The following TACR1 variants were observed in gnomAD, a reference collection of about 807,000 sequenced individuals.
TACR1 encodes the protein tachykinin receptor 1.
Under a neutral mutation model 35.8 loss-of-function variants are expected in TACR1, and 25 were observed. That is an observed-to-expected ratio of 0.70 (90% CI 0.51 to 0.98). TACR1 has a LOEUF of 0.98. Among genes scored for constraint, TACR1 ranks in the 50% least tolerant of loss-of-function variants. The pLI, the probability that TACR1 is intolerant of heterozygous loss-of-function variation, is 0.00. For synonymous variants in TACR1, 195 were observed against 206.7 expected, an observed-to-expected ratio of 0.94 and a Z score of 0.48; for missense variants, 478 against 522.9, an observed-to-expected ratio of 0.91 and a Z score of 0.84.
Position 75,109,847 on chromosome 2 carries a change from A to C in TACR1, c.584+10727T>G, listed in dbSNP as rs548048636. On this transcript the variant is annotated intron_variant, in intron 2 of 4. Coordinates refer to ENST00000305249, the MANE Select transcript of TACR1 (RefSeq NM_001058.4). Reference sequence around the variant, plus strand: ...CCATAAAATGGTGAAAGAAATAATCAAGTTAGTAAAATAGTAAGGGACACG... The same window carrying C: ...CCATAAAATGGTGAAAGAAATAATCCAGTTAGTAAAATAGTAAGGGACACG... 4.6e-5 allele frequency among the ~76,000 whole-genome samples: 7 copies of C among 152,336 alleles called. No homozygotes were observed. In the South Asian group the frequency reaches 1.0e-3, roughly 23 times the overall value.
intron 2 of TACR1, among the ~76,000 whole-genome samples, chr2:75,093,331 G>A (rs571436328): frequency 5.9e-5 from 9 of 152,262 alleles, no homozygotes; most frequent in African/African-American, 1.4e-4. Context: ...TCAGGAATTA[G>A]AGGCTGGGCA....
chr2:75,098,373 T>A (rs1397502765), intron 2 of TACR1, among the ~76,000 whole-genome samples: 1 of 152,192 alleles, frequency 6.6e-6, no homozygotes, highest in Non-Finnish European at 1.5e-5. Flanking sequence ...AATATTCTAA[T>A]GCATAATCAA....
chr2:75,092,209 C>G (rs1315212022), intron 2 of TACR1, among the ~76,000 whole-genome samples: 1 of 152,148 alleles, frequency 6.6e-6, no homozygotes, highest in Non-Finnish European at 1.5e-5. Flanking sequence ...TATTCACATT[C>G]TGAGTTGCCT....
At chr2:75,188,183 A>G (rs1217243789) in intron 1 of TACR1, 1 of 152,200 alleles carries the variant, frequency 6.6e-6, no homozygotes, top group Non-Finnish European at 1.5e-5. Flanking sequence ...CCCTGGGACT[A>G]TTTAGAAGAG....
chr2:75,064,009 A>G lies in TACR1; in HGVS notation c.585-10254T>C, dbSNP rs149271882. On this transcript the variant is annotated intron_variant, in intron 2 of 4. Transcript: ENST00000305249. ...GGCCCTTCCCAGCATGACATGCATG[A>G]TGAAGTGTAGTGGTGAATGTTGTTG... Among the ~76,000 whole-genome samples, 167 of 152,086 alleles carry G rather than the reference A, an allele frequency of 1.1e-3. 1 individual carries two copies. Among genetic ancestry groups the G allele is most frequent in the African/African-American group, 3.9e-3 (163 of 41,480 alleles).
At chr2:75,103,785 A>T (rs1398568524) in intron 2 of TACR1, among the ~76,000 whole-genome samples, 1 of 152,120 alleles carries the variant, frequency 6.6e-6, no homozygotes, top group Admixed American at 6.6e-5. Flanking sequence ...GAGAAATCTG[A>T]CAAAGATGGT....
intron 2 of TACR1, among the ~76,000 whole-genome samples, chr2:75,082,500 ACT>A (rs1294182558): frequency 6.6e-6 from 1 of 152,206 alleles, no homozygotes; most frequent in Non-Finnish European, 1.5e-5. Flanking sequence ...GAATCGCCAC[ACT>A]GTCTTCCACA....
chr2:75,103,645 T>C (rs1415566012), intron 2 of TACR1, among the ~76,000 whole-genome samples: 3 of 152,194 alleles, frequency 2.0e-5, no homozygotes, highest in Non-Finnish European at 4.4e-5. Context: ...AAAGAATTTA[T>C]GTAGCTACTC....
chr2:75,166,708 G>T (rs1404839515), intron 1 of TACR1, among the ~76,000 whole-genome samples: 1 of 152,216 alleles, frequency 6.6e-6, no homozygotes, highest in African/African-American at 2.4e-5. Flanking sequence ...GGCGGCTGGG[G>T]TTGCAAAATG....
At chr2:75,137,026 A>G (rs545786319) in intron 1 of TACR1, among the ~76,000 whole-genome samples, 1 of 152,262 alleles carries the variant, frequency 6.6e-6, no homozygotes, top group South Asian at 2.1e-4. Flanking sequence ...CTTCAAGGAG[A>G]AATTGTTAGG....
rs774737448 is a variant in TACR1 at position 75,198,767 on chromosome 2, G to T, written c.168C>A (p.Ile56=). Residue 56 remains isoleucine (I), a synonymous_variant, in exon 1 of 5, where the codon ATC becomes ATA. Coordinates refer to ENST00000305249, the MANE Select transcript of TACR1 (RefSeq NM_001058.4). ...SVVGNVVVMW[I]ILAHKRMRTV... is the part of the protein sequence containing the mutation. Reference sequence around the variant, plus strand: ...TCCTCATTCTTTTGTGGGCTAAGATGATCCACATCACTACCACGTTGCCCA... The same window carrying T: ...TCCTCATTCTTTTGTGGGCTAAGATTATCCACATCACTACCACGTTGCCCA... 14 of 1,614,182 alleles carry T rather than the reference G, an allele frequency of 8.7e-6. No homozygotes were observed. The East Asian group carries it at 1.3e-4, about 15-fold the overall frequency.
chr2:75,182,235 A>C (rs998351256), intron 1 of TACR1, among the ~76,000 whole-genome samples: 1 of 152,206 alleles, frequency 6.6e-6, no homozygotes, highest in Non-Finnish European at 1.5e-5. Context: ...AGAGACGCTC[A>C]ACCTAGGGAC....
intron 1 of TACR1, among the ~76,000 whole-genome samples, chr2:75,156,782 G>C (rs959115611): frequency 6.6e-6 from 1 of 151,994 alleles, no homozygotes; most frequent in Non-Finnish European, 1.5e-5. Flanking sequence ...TGAATATACT[G>C]GTCTTTCATA....
chr2:75,047,387 G>A lies in TACR1; in HGVS notation c.*2045C>T, dbSNP rs1017962623. 6.6e-6 allele frequency: 1 copy of A among 152,306 alleles called. No individual in the cohort carries two copies. The highest frequency in any genetic ancestry group is 2.4e-5 in the African/African-American group (1 of 41,448). 9.4% of individuals were successfully genotyped at this position (152,306 alleles called of 1,614,324 possible). On this transcript the variant is annotated 3_prime_UTR_variant, in exon 5 of 5. Coordinates refer to ENST00000305249, the MANE Select transcript of TACR1 (RefSeq NM_001058.4). ...TGAGTTAGTTAGTGATGGCCAATAA[G>A]GTAGGCTCTTCAAGAGCTGCAGGGG...
intron 2 of TACR1, among the ~76,000 whole-genome samples, chr2:75,085,607 TC>T (rs1379451530): frequency 6.6e-6 from 1 of 152,182 alleles, no homozygotes; most frequent in Non-Finnish European, 1.5e-5. Context: ...GGAGGTGGGA[TC>T]TGACTTTTGC....
chr2:75,053,467 C>G, intron 3 of TACR1, 138 bp downstream of exon 3: 5 of 1,121,262 alleles, frequency 4.5e-6, no homozygotes, highest in Non-Finnish European at 5.9e-6. Context: ...AAGAAAGATT[C>G]CTCTCCTCCT....
chr2:75,180,551 C>T (rs1675537482), intron 1 of TACR1, among the ~76,000 whole-genome samples: 1 of 152,144 alleles, frequency 6.6e-6, no homozygotes, highest in African/African-American at 2.4e-5. Flanking sequence ...GTCTGTGTGC[C>T]TTTTGCACTT....
chr2:75,129,198 T>C (rs1674134771), intron 1 of TACR1, among the ~76,000 whole-genome samples: 1 of 152,212 alleles, frequency 6.6e-6, no homozygotes, highest in African/African-American at 2.4e-5. Context: ...AACTCAATAA[T>C]GGAAAGAAGT....
At position 75,104,155 on chromosome 2, in the gene TACR1, T is replaced by C. The variant is rs2103876744; in HGVS notation, c.584+16419A>G. On this transcript the variant is annotated intron_variant, in intron 2 of 4. Transcript: ENST00000305249. ...GAAAAATTAAGACTAAAGTATATTC[T>C]GCCTGTAAGAGACTCATTTTGGCTT... Among the ~76,000 whole-genome samples the C allele has an allele frequency of 2.6e-5, 4 of 152,178 alleles. 1 individual carries two copies. In the South Asian group the frequency reaches 8.3e-4, roughly 32 times the overall value.
Sources: allele counts gnomAD v4.1 joint callset (sites outside exome capture counted in the v4.1 genomes callset), GRCh38; gene constraint gnomAD v4.1.1; transcripts MANE v1.5; gene names NCBI Gene and HGNC (gene_info 2026-07-23, HGNC 2026-07-21).